The following KIRREL3 variants were observed in gnomAD, a reference collection of about 807,000 sequenced individuals.
KIRREL3 encodes the protein kin of IRRE-like protein 3.
Under a neutral mutation model 89.7 loss-of-function variants are expected in KIRREL3, and 36 were observed. The ratio of observed to expected loss-of-function variants is 0.40; its 90% confidence interval spans 0.31 to 0.53. The LOEUF (loss-of-function observed/expected upper bound fraction) is 0.53, where lower values mean the gene tolerates loss of function less well. Among genes scored for constraint, KIRREL3 ranks in the 20% least tolerant of loss-of-function variants. The pLI is 0.49. For missense variants in KIRREL3, 864 were observed against 1,056.6 expected, an observed-to-expected ratio of 0.82 and a Z score of 2.53; for synonymous variants, 445 against 441.4, an observed-to-expected ratio of 1.01 and a Z score of -0.10.
chr11:126,748,516 C>T lies in KIRREL3; in HGVS notation c.56-185604G>A, dbSNP rs546754599. On this transcript the variant is annotated intron_variant, in intron 1 of 16. Coordinates refer to ENST00000525144, the MANE Select transcript of KIRREL3 (RefSeq NM_032531.4). This position sits in a 1 kb window ranked among gnomAD's most constrained non-coding sequence, Gnocchi z 4.6. ...CATCTCTAAACAGGCTCTGTGGAGGCGAGGCCTGGCTCCGTTCAAGTGCTT... is the reference window on the plus strand; with the variant it reads ...CATCTCTAAACAGGCTCTGTGGAGGTGAGGCCTGGCTCCGTTCAAGTGCTT... Among the ~76,000 whole-genome samples the T allele has an allele frequency of 1.3e-5, 2 of 152,268 alleles. No homozygotes were observed. The highest frequency in any genetic ancestry group is 2.1e-4 in the South Asian group (1 of 4,814).
At position 126,736,516 on chromosome 11, in the gene KIRREL3, C is replaced by T. The variant is rs1948805283; in HGVS notation, c.56-173604G>A. ...AGATCATCTGGGCCGGTGGTTCTCACCTGGGGGCGATTTTGTCCCCAGGGG... is the reference window on the plus strand; with the variant it reads ...AGATCATCTGGGCCGGTGGTTCTCATCTGGGGGCGATTTTGTCCCCAGGGG... On this transcript the variant is annotated intron_variant, in intron 1 of 16. Transcript: ENST00000525144. This position sits in a 1 kb window ranked among gnomAD's most constrained non-coding sequence, Gnocchi z 5.0. Among the ~76,000 whole-genome samples, 1 of 152,236 alleles carries T rather than the reference C, an allele frequency of 6.6e-6. No homozygotes were observed. The highest frequency in any genetic ancestry group is 6.5e-5 in the Admixed American group (1 of 15,290).
Position 126,570,884 on chromosome 11 carries a change from A to G in KIRREL3, c.56-7972T>C, listed in dbSNP as rs1472957344. On this transcript the variant is annotated intron_variant, in intron 1 of 16. Coordinates refer to ENST00000525144, the MANE Select transcript of KIRREL3 (RefSeq NM_032531.4). This position sits in a 1 kb window ranked among gnomAD's most constrained non-coding sequence, Gnocchi z 6.1. The stretch of plus-strand genomic sequence containing the variant: ...CTTAAGTCTGTACATCTCAGGTGGG[A>G]AAAAAGACAGCAGTCATTTGCTGAG... Among the ~76,000 whole-genome samples, 1 of 152,196 alleles carries G rather than the reference A, an allele frequency of 6.6e-6. No individual in the cohort carries two copies. The highest frequency in any genetic ancestry group is 1.5e-5 in the Non-Finnish European group (1 of 68,022).
rs1385142219 is a variant in KIRREL3 at position 126,431,360 on chromosome 11, C to T, written c.1696+59G>A. 8 of 1,599,108 alleles carry T rather than the reference C, an allele frequency of 5.0e-6. No individual in the cohort carries two copies. Among genetic ancestry groups the T allele is most frequent in the Non-Finnish European group, 6.8e-6 (8 of 1,172,990 alleles). On this transcript the variant is annotated intron_variant, in intron 14 of 16. Coordinates refer to ENST00000525144, the MANE Select transcript of KIRREL3 (RefSeq NM_032531.4). This position sits in a 1 kb window ranked among gnomAD's most constrained non-coding sequence, Gnocchi z 7.1. ...CCTGCTTACTTGCTCTCCGGGGCAG[C>T]CTAAGCCTGGCCTTTTTCTCTGTCC... is the stretch of plus-strand genomic sequence containing the variant.
chr11:126,921,692 C>T (rs181138365), intron 1 of KIRREL3, among the ~76,000 whole-genome samples: 1 of 151,264 alleles, frequency 6.6e-6, no homozygotes, highest in East Asian at 2.0e-4. Context: ...ATCTATCTGT[C>T]TGTCTTTCTT....
chr11:126,866,159 G>C (rs7130542), intron 1 of KIRREL3, among the ~76,000 whole-genome samples: 2,054 of 152,326 alleles, frequency 0.013, 48 homozygotes, highest in African/African-American at 0.047. Context: ...AGAGAGTGAT[G>C]GGGGAGGGAG....
intron 1 of KIRREL3, among the ~76,000 whole-genome samples, chr11:126,945,373 GGTTTCCTAA>G (rs1218481988): frequency 6.6e-6 from 1 of 152,176 alleles, no homozygotes; most frequent in East Asian, 1.9e-4. Context: ...ACTGGGGAGT[GGTTTCCTAA>G]GCCTCCTTCC....
At chr11:126,823,808 C>G (rs1943309165) in intron 1 of KIRREL3, among the ~76,000 whole-genome samples, 1 of 152,226 alleles carries the variant, frequency 6.6e-6, no homozygotes, top group South Asian at 2.1e-4. Flanking sequence ...TCTGCTGCTA[C>G]AGTGCCCCAG....
rs1448064804 is a variant in KIRREL3, at chr11:126,677,230, G to T, written c.56-114318C>A. Among the ~76,000 whole-genome samples the T allele has an allele frequency of 6.6e-6, 1 of 152,056 alleles. No individual in the cohort carries two copies. The highest frequency in any genetic ancestry group is 1.9e-4 in the East Asian group (1 of 5,196). On this transcript the variant is annotated intron_variant, in intron 1 of 16. Transcript: ENST00000525144. This position sits in a 1 kb window ranked among gnomAD's most constrained non-coding sequence, Gnocchi z 5.1. ...CATTTTAGCTATCCCCTTAGCCTCA[G>T]CCTCTCCCTCCCCATCACCTGGGTT...
rs1956903804 is a variant in KIRREL3 at position 126,471,893 on chromosome 11, C to T, written c.591+1416G>A. Among the ~76,000 whole-genome samples, 1 of 152,136 alleles carries T rather than the reference C, an allele frequency of 6.6e-6. No individual in the cohort carries two copies. The highest frequency in any genetic ancestry group is 6.5e-5 in the Admixed American group (1 of 15,268). ...GGGGGCCAGTTCAGGGTGCTTCCAG[C>T]CCTTGGTATCGTGTGTGAATTAGAG... On this transcript the variant is annotated intron_variant, in intron 5 of 16. Coordinates refer to ENST00000525144, the MANE Select transcript of KIRREL3 (RefSeq NM_032531.4). This position sits in a 1 kb window ranked among gnomAD's most constrained non-coding sequence, Gnocchi z 5.4.
At position 126,909,900 on chromosome 11, in the gene KIRREL3, T is replaced by C. The variant is rs910724505; in HGVS notation, c.55+90555A>G. Among the ~76,000 whole-genome samples the C allele has an allele frequency of 3.4e-4, 51 of 152,206 alleles. No homozygotes were observed. The highest frequency in any genetic ancestry group is 1.2e-3 in the African/African-American group (50 of 41,502). ...GATATTTTTTTATTGCAATAATAAGTTTCTCAACTCCTAATGGACCCTGTA... is the reference window on the plus strand; with the variant it reads ...GATATTTTTTTATTGCAATAATAAGCTTCTCAACTCCTAATGGACCCTGTA... On this transcript the variant is annotated intron_variant, in intron 1 of 16. Coordinates refer to ENST00000525144, the MANE Select transcript of KIRREL3 (RefSeq NM_032531.4). The surrounding 1 kb of genome is among the most constrained non-coding windows in gnomAD (Gnocchi z 4.5).
rs1957001429 is a variant in KIRREL3 at position 126,474,105 on chromosome 11, C to T, written c.434-639G>A. Among the ~76,000 whole-genome samples, 1 of 151,486 alleles carries T rather than the reference C, an allele frequency of 6.6e-6. No homozygotes were observed. The highest frequency in any genetic ancestry group is 1.5e-5 in the Non-Finnish European group (1 of 67,866). On this transcript the variant is annotated intron_variant, in intron 4 of 16. Transcript: ENST00000525144. The surrounding 1 kb of genome is among the most constrained non-coding windows in gnomAD (Gnocchi z 6.7). ...GGCCTGAGCCACCATGCCCGGCCAA[C>T]ACCTGGTTAATTTTTGTATTTTTAG...
At position 126,645,518 on chromosome 11, in the gene KIRREL3, G is replaced by A. The variant is rs1022941506; in HGVS notation, c.56-82606C>T. 1.3e-5 allele frequency among the ~76,000 whole-genome samples: 2 copies of A among 152,318 alleles called. No individual in the cohort carries two copies. The highest frequency in any genetic ancestry group is 3.4e-3 in the Middle Eastern group (1 of 294). On this transcript the variant is annotated intron_variant, in intron 1 of 16. Coordinates refer to ENST00000525144, the MANE Select transcript of KIRREL3 (RefSeq NM_032531.4). The surrounding 1 kb of genome is among the most constrained non-coding windows in gnomAD (Gnocchi z 4.9). ...GTGGCATGAATGAAAGAATTCATGA[G>A]TAATAGCCGGGCATAAATCAGAATA... is the stretch of plus-strand genomic sequence containing the variant.
intron 1 of KIRREL3, among the ~76,000 whole-genome samples, chr11:126,733,620 C>T (rs1948706726): frequency 6.6e-6 from 1 of 152,206 alleles, no homozygotes; most frequent in South Asian, 2.1e-4. Context: ...TCAGTTCCTA[C>T]ATTTACTTTC....
chr11:126,680,078 A>G lies in KIRREL3; in HGVS notation c.56-117166T>C, dbSNP rs148800835. On this transcript the variant is annotated intron_variant, in intron 1 of 16. Transcript: ENST00000525144. The stretch of plus-strand genomic sequence containing the variant: ...TTCTCCTCATTAAAGAAAACATTCC[A>G]AGTGTGCAATTGTTCTCTGAGATGA... Among the ~76,000 whole-genome samples, 209 of 152,318 alleles carry G rather than the reference A, an allele frequency of 1.4e-3. 6 individuals are homozygous for G. Among genetic ancestry groups the G allele is most frequent in the African/African-American group, 3.4e-3 (141 of 41,570 alleles).
At chr11:126,792,092 A>C (rs1950662214) in intron 1 of KIRREL3, among the ~76,000 whole-genome samples, 1 of 152,154 alleles carries the variant, frequency 6.6e-6, no homozygotes, top group Admixed American at 6.5e-5. Context: ...AGCCAGCAGA[A>C]TGTTAACGAT....
At chr11:126,774,657 G>C (rs1357683141) in intron 1 of KIRREL3, among the ~76,000 whole-genome samples, 1 of 152,092 alleles carries the variant, frequency 6.6e-6, no homozygotes, top group Non-Finnish European at 1.5e-5. Flanking sequence ...CAGGGCAGAG[G>C]AGAAAAGGGG....
chr11:126,670,132 C>T (rs1408377869), intron 1 of KIRREL3, among the ~76,000 whole-genome samples: 1 of 152,184 alleles, frequency 6.6e-6, no homozygotes, highest in Non-Finnish European at 1.5e-5. Flanking sequence ...CAACTCTTGC[C>T]TGAGCTTCTG....
chr11:126,756,638 G>T (rs770768097), intron 1 of KIRREL3, among the ~76,000 whole-genome samples: 3 of 152,240 alleles, frequency 2.0e-5, no homozygotes, highest in East Asian at 1.9e-4. Context: ...ACATGCAACA[G>T]GTTCCCCAAG....
rs959244631 is a variant in KIRREL3 at position 126,890,749 on chromosome 11, T to A, written c.55+109706A>T. Among the ~76,000 whole-genome samples, 8 of 152,230 alleles carry A rather than the reference T, an allele frequency of 5.3e-5. No individual in the cohort carries two copies. Among genetic ancestry groups the A allele is most frequent in the African/African-American group, 1.9e-4 (8 of 41,456 alleles). ...TAGGGTGAGTGAGAGAGTAGACGACTGCAAACATGAGCGTCCCCCAGTCCC... is the reference window on the plus strand; with the variant it reads ...TAGGGTGAGTGAGAGAGTAGACGACAGCAAACATGAGCGTCCCCCAGTCCC... On this transcript the variant is annotated intron_variant, in intron 1 of 16. Transcript: ENST00000525144. This position sits in a 1 kb window ranked among gnomAD's most constrained non-coding sequence, Gnocchi z 5.1.
Sources: allele counts gnomAD v4.1 joint callset (sites outside exome capture counted in the v4.1 genomes callset), GRCh38; gene constraint gnomAD v4.1.1; non-coding constraint Gnocchi (gnomAD v3.1); transcripts MANE v1.5; gene names NCBI Gene and HGNC (gene_info 2026-07-23, HGNC 2026-07-21).